DYSF: variants seen among roughly 807,000 people sequenced by gnomAD.
DYSF encodes the protein dysferlin, also known as dystrophy-associated fer-1-like 1.
DYSF carries 212 observed loss-of-function variants against 274.9 expected under a neutral mutation model. The observed-to-expected ratio is 0.77, with a 90% CI of 0.69 to 0.86. DYSF has a LOEUF of 0.86. Ranked by LOEUF, DYSF falls within the 40% of genes least tolerant of loss-of-function variation. DYSF has a pLI of 0.00. For synonymous variants in DYSF, 1,091 were observed against 1,078.7 expected (o/e 1.01, Z -0.22); for missense variants, 2,666 against 2,783.2 (o/e 0.96, Z 0.95).
intron 32 of DYSF, among the ~76,000 whole-genome samples, chr2:71,593,125 C>CTTTTTT (rs35900869): frequency 1.3e-4 from 11 of 85,584 alleles, no homozygotes; most frequent in African/African-American, 1.8e-4. Context: ...TCAGTGACTT[C>CTTTTTT]TTTTTTTTTT....
chr2:71,483,527 G>C (rs1307022753), intron 3 of DYSF, among the ~76,000 whole-genome samples: 1 of 152,152 alleles, frequency 6.6e-6, no homozygotes, highest in African/African-American at 2.4e-5. Context: ...TCACAGGTGG[G>C]ACTCAGTCTC....
chr2:71,561,037 CCT>C (rs987859291), intron 22 of DYSF, among the ~76,000 whole-genome samples: 22 of 152,272 alleles, frequency 1.4e-4, no homozygotes, highest in Admixed American at 7.2e-4. Context: ...TTTCAGGGCG[CCT>C]CCGTGGGATG....
intron 30 of DYSF, among the ~76,000 whole-genome samples, chr2:71,581,175 G>A (rs1453840057): frequency 6.6e-6 from 1 of 152,216 alleles, no homozygotes; most frequent in East Asian, 1.9e-4. Context: ...ACATCCGCAT[G>A]TGGAGACATG....
At chr2:71,660,343 C>T (rs2094855297) in intron 44 of DYSF, among the ~76,000 whole-genome samples, 1 of 152,184 alleles carries the variant, frequency 6.6e-6, no homozygotes, top group Non-Finnish European at 1.5e-5. Flanking sequence ...ACTCAGGTGC[C>T]CCATTCCCAC....
At chr2:71,635,763 AAAGAAAG>A (rs1558685215) in intron 41 of DYSF, among the ~76,000 whole-genome samples, 1,642 of 109,752 alleles carry the variant, frequency 0.015, 58 homozygotes, top group African/African-American at 0.049. Flanking sequence ...AAAAAAAAAA[AAAGAAAG>A]AAAAAAGAAA....
intron 13 of DYSF, among the ~76,000 whole-genome samples, chr2:71,526,806 C>G (rs116106402): frequency 0.018 from 2,757 of 152,338 alleles, 38 homozygotes; most frequent in Non-Finnish European, 0.023. Context: ...ATGAAGGACA[C>G]AGATCCACAA....
chr2:71,512,094 T>C (rs2086157722), intron 5 of DYSF, among the ~76,000 whole-genome samples, 173 bp downstream of exon 5: 1 of 152,202 alleles, frequency 6.6e-6, no homozygotes, highest in African/African-American at 2.4e-5. Flanking sequence ...TCCTGAGGGC[T>C]GCCTTCTGCT....
rs754075406 is a variant in DYSF at position 71,598,578 on chromosome 2, G to A, written c.3589G>A (p.Val1197Ile). 2.1e-5 allele frequency: 34 copies of A among 1,614,122 alleles called. No individual in the cohort carries two copies. The highest frequency in any genetic ancestry group is 3.3e-4 in the Middle Eastern group (2 of 6,062). Residue 1197 changes from valine to isoleucine, a missense_variant, in exon 33 of 56, where the codon GTC (valine) becomes ATC (isoleucine). By Grantham distance (29) the Val-to-Ile change is conservative. Transcript: ENST00000410020. ...GGCCCATGCAGATCCCTATGCCATC[G>A]TCTCCTTCCTGCACCAGAGCCAGAA... ...KDSFSDPYAI[V>I]SFLHQSQKTV...
chr2:71,517,158 AT>A (rs1180980696), intron 10 of DYSF, 119 bp downstream of exon 10: 5 of 1,007,656 alleles, frequency 5.0e-6, no homozygotes, highest in Non-Finnish European at 7.8e-6. Context: ...GGAAAATATA[AT>A]TTCAAAGAAC....
At chr2:71,662,473 TGC>T (rs1272073394) in intron 45 of DYSF, among the ~76,000 whole-genome samples, 24 of 151,226 alleles carry the variant, frequency 1.6e-4, no homozygotes, top group African/African-American at 5.9e-4. Flanking sequence ...CATATGTGCG[TGC>T]GTGTGTATGT....
intron 30 of DYSF, among the ~76,000 whole-genome samples, chr2:71,586,638 C>T (rs574236628): frequency 3.9e-5 from 6 of 152,244 alleles, no homozygotes; most frequent in East Asian, 1.9e-4. Flanking sequence ...AGACCCAGAA[C>T]GTGCTGCCAG....
intron 5 of DYSF, among the ~76,000 whole-genome samples, chr2:71,512,949 G>T (rs1452339547): frequency 6.6e-6 from 1 of 152,116 alleles, no homozygotes. Flanking sequence ...AGGAAGGAGA[G>T]GTGCCCGTGG....
In DYSF at chr2:71,550,828, A is replaced by C. The variant is rs569862215; in HGVS notation, c.1577-213A>C. Among the ~76,000 whole-genome samples the C allele has an allele frequency of 5.3e-5, 8 of 152,312 alleles. No individual in the cohort carries two copies. In the East Asian group the frequency reaches 1.2e-3, roughly 22 times the overall value. Reference sequence around the variant, plus strand: ...ATGAGACTAATAAAAATATGATTGCATCTCAGCATGATGGTGAGGAGTAAA... The same window carrying C: ...ATGAGACTAATAAAAATATGATTGCCTCTCAGCATGATGGTGAGGAGTAAA... On this transcript the variant is annotated intron_variant, in intron 17 of 55. Coordinates refer to ENST00000410020, the MANE Select transcript of DYSF (RefSeq NM_001130987.2).
At chr2:71,592,976 T>G (rs2093311794) in intron 32 of DYSF, among the ~76,000 whole-genome samples, 1 of 152,122 alleles carries the variant, frequency 6.6e-6, no homozygotes, top group Non-Finnish European at 1.5e-5. Flanking sequence ...GGTTGCACCT[T>G]AGGTGGGGTT....
chr2:71,628,322 G>A (rs980158979), intron 41 of DYSF, among the ~76,000 whole-genome samples: 2 of 151,732 alleles, frequency 1.3e-5, no homozygotes, highest in Admixed American at 1.3e-4. Context: ...GCAAACTTTT[G>A]TACAATATTT....
At chr2:71,666,384 C>T (rs540162541) in intron 47 of DYSF, among the ~76,000 whole-genome samples, 1 of 152,374 alleles carries the variant, frequency 6.6e-6, no homozygotes, top group East Asian at 1.9e-4. Flanking sequence ...GTTCCTGGCC[C>T]TGTGTGCCTT....
upstream of DYSF, among the ~76,000 whole-genome samples, chr2:71,463,518 G>A (rs943624899): frequency 1.3e-5 from 2 of 152,220 alleles, no homozygotes; most frequent in African/African-American, 4.8e-5. Flanking sequence ...TCTGCAGAGT[G>A]CACAACACTG....
chr2:71,622,309 G>T lies in DYSF; in HGVS notation c.4527+1700G>T, dbSNP rs1463672512. On this transcript the variant is annotated intron_variant, in intron 41 of 55. Transcript: ENST00000410020. ...ACAATATTTTTGTATATTTACTTTG[G>T]AACTGACTCTTTATTAAGGCCCATT... is the stretch of plus-strand genomic sequence containing the variant. 1.8e-4 allele frequency among the ~76,000 whole-genome samples: 28 copies of T among 151,882 alleles called. 1 individual carries two copies. The South Asian group carries it at 5.4e-3, about 29-fold the overall frequency.
chr2:71,602,736 C>T, intron 35 of DYSF, 40 bp from the exon 36 acceptor site: 2 of 1,609,148 alleles, frequency 1.2e-6, no homozygotes, highest in Non-Finnish European at 1.7e-6. Context: ...ACCCCTCTCA[C>T]CATCTCCTGG....
Sources: allele counts gnomAD v4.1 joint callset (sites outside exome capture counted in the v4.1 genomes callset), GRCh38; gene constraint gnomAD v4.1.1; transcripts MANE v1.5; gene names NCBI Gene and HGNC (gene_info 2026-07-23, HGNC 2026-07-21).